Variants in NAV1 observed in about 807,000 individuals in gnomAD.
NAV1 encodes pore membrane and/or filament interacting like protein 3.
In NAV1, 18 loss-of-function variants were observed where a neutral mutation model predicts 175.2. The ratio of observed to expected loss-of-function variants is 0.10; its 90% CI spans 0.07 to 0.15. NAV1 has a LOEUF of 0.15. Ranked by LOEUF, NAV1 falls within the 10% of genes least tolerant of loss-of-function variation. The probability of loss-of-function intolerance (pLI) is 1.00; values close to 1 mark genes in which losing one functional copy is unlikely to be tolerated. For missense variants in NAV1, 1,731 were observed against 2,436.6 expected, an observed-to-expected ratio of 0.71 and a Z score of 6.10; for synonymous variants, 897 against 978.7, an observed-to-expected ratio of 0.92 and a Z score of 1.56.
At chr1:201,732,699 A>G (rs1224015191) in intron 3 of NAV1, among the ~76,000 whole-genome samples, 1 of 152,240 alleles carries the variant, frequency 6.6e-6, no homozygotes, top group Non-Finnish European at 1.5e-5. Flanking sequence ...TTCCACAAAC[A>G]CTTGTAGACC....
At position 201,539,468 on chromosome 1, in the gene NAV1, G is replaced by T. The variant is rs562893148; in HGVS notation, c.-144+126G>T. ...AAGTCTCGGGGTAGGGGAGGTTGGT[G>T]CCCGAGGGAGGCTGTGGGCTGGGCT... On this transcript the variant is annotated intron_variant, in intron 1 of 33. Transcript: ENST00000685211. The surrounding 1 kb of genome is among the most constrained non-coding windows in gnomAD (Gnocchi z 5.6). 3.0e-3 allele frequency among the ~76,000 whole-genome samples: 459 copies of T among 152,238 alleles called. 1 individual carries two copies. Among genetic ancestry groups the T allele is most frequent in the African/African-American group, 0.011 (439 of 41,558 alleles).
At chr1:201,824,640 A>G (rs1240295085) in exon 30 of NAV1, 1 of 151,984 alleles carries the variant, frequency 6.6e-6, no homozygotes, top group Non-Finnish European at 1.5e-5. Flanking sequence ...CAACCTGTGT[A>G]TACTAGATCC....
chr1:201,699,789 C>G (rs1451530918), intron 1 of NAV1, among the ~76,000 whole-genome samples: 1 of 152,186 alleles, frequency 6.6e-6, no homozygotes, highest in Admixed American at 6.5e-5. Flanking sequence ...TAACACCACA[C>G]ATCTACAACC....
At chr1:201,809,873 A>G (rs1678580721) in intron 22 of NAV1, 73 bp from the exon 27 acceptor site, 2 of 1,379,770 alleles carry the variant, frequency 1.4e-6, no homozygotes, top group South Asian at 2.5e-5. Context: ...TTCCTCTGAT[A>G]GACATTCTTT....
chr1:201,668,628 T>C (rs1319253794), intron 1 of NAV1, among the ~76,000 whole-genome samples: 2 of 152,126 alleles, frequency 1.3e-5, no homozygotes, highest in Non-Finnish European at 2.9e-5. Context: ...CGTGGGTCGA[T>C]GCAGCCCCCC....
intron 1 of NAV1, among the ~76,000 whole-genome samples, chr1:201,560,649 G>A (rs1269343435): frequency 6.6e-6 from 1 of 152,224 alleles, no homozygotes; most frequent in Admixed American, 6.5e-5. Context: ...ATGAAATCCT[G>A]TCTCCCAGTC....
chr1:201,780,968 T>C, intron 4 of NAV1, 44 bp from the exon 9 acceptor site: 1 of 1,534,964 alleles, frequency 6.5e-7, no homozygotes, highest in Non-Finnish European at 8.8e-7. Flanking sequence ...CAGTCTCCCA[T>C]CTGCATAGAA....
rs557538354 is a variant in NAV1, at chr1:201,624,905, G to A, written c.-101+1299G>A. On this transcript the variant is annotated intron_variant, in intron 1 of 29. Coordinates refer to the NAV1 transcript ENST00000367302. ...CTCTGAGGCATCAGAGCGGCTGGAG[G>A]TGGGGGTAGGGAACCACTAGGAGCT... Among the ~76,000 whole-genome samples the A allele has an allele frequency of 2.0e-5, 3 of 152,346 alleles. No individual in the cohort carries two copies. The East Asian group carries it at 5.8e-4, about 29-fold the overall frequency.
chr1:201,665,167 C>A (rs187910551), intron 1 of NAV1, among the ~76,000 whole-genome samples: 1 of 152,072 alleles, frequency 6.6e-6, no homozygotes, highest in Non-Finnish European at 1.5e-5. Flanking sequence ...GTGCTCCCCC[C>A]GCACCCTGCC....
At chr1:201,707,408 C>T (rs977498799) in intron 1 of NAV1, among the ~76,000 whole-genome samples, 1 of 152,220 alleles carries the variant, frequency 6.6e-6, no homozygotes, top group Admixed American at 6.5e-5. Flanking sequence ...GCTCTTTAAG[C>T]CTCACAGCAA....
At position 201,782,865 on chromosome 1, in the gene NAV1, C is replaced by G. The variant is rs1676423178; in HGVS notation, c.2353C>G (p.Leu785Val). 6 of 1,569,148 alleles carry G rather than the reference C, an allele frequency of 3.8e-6. No individual in the cohort carries two copies. The highest frequency in any genetic ancestry group is 5.2e-6 in the Non-Finnish European group (6 of 1,158,570). ...GCTGGCAGAGCTGCCACCAACCCCT[C>G]TCAGGTACCCAATGTGGGCAGCCGC... Residue 785 changes from leucine (L) to valine (V), a missense_variant, in exon 6 of 30, where the codon CTC becomes GTC. By Grantham distance (32) the Leu-to-Val change is conservative. Around this residue, in one of 13 missense-constraint regions of NAV1, gnomAD observed 634 missense variants for 766.8 expected, o/e 0.83. Transcript: ENST00000367296. This position sits in a 1 kb window ranked among gnomAD's most constrained non-coding sequence, Gnocchi z 5.4.
chr1:201,680,134 G>A (rs1267122), intron 1 of NAV1, among the ~76,000 whole-genome samples: 148,370 of 152,248 alleles, frequency 0.97, 72,335 homozygotes, highest in East Asian at 1. Context: ...AGGCCTCAGG[G>A]AGCTTTTACT....
intron 3 of NAV1, among the ~76,000 whole-genome samples, chr1:201,744,038 C>G (rs754764778): frequency 6.6e-6 from 1 of 151,884 alleles, no homozygotes; most frequent in Non-Finnish European, 1.5e-5. Flanking sequence ...GCATGCACCA[C>G]CATGCCCAGC....
intron 3 of NAV1, chr1:201,739,954 G>A: frequency 1.4e-6 from 2 of 1,384,084 alleles, no homozygotes; most frequent in South Asian, 1.7e-5. Flanking sequence ...GTGTCCCCGG[G>A]TGTCAGGCGA....
At chr1:201,648,130 T>A, upstream of NAV1, 3 of 434,710 alleles carry the variant, frequency 6.9e-6, no homozygotes, top group Non-Finnish European at 8.8e-6. Context: ...CCCCTCCTCC[T>A]GTTTGCTCCC....
At chr1:201,575,860 TC>T (rs973581161) in intron 1 of NAV1, among the ~76,000 whole-genome samples, 1 of 152,224 alleles carries the variant, frequency 6.6e-6, no homozygotes, top group African/African-American at 2.4e-5. Flanking sequence ...ATGGGGTATT[TC>T]TTCCCTGATT....
At chr1:201,710,006 A>T (rs1671830867) in intron 1 of NAV1, among the ~76,000 whole-genome samples, 1 of 152,124 alleles carries the variant, frequency 6.6e-6, no homozygotes, top group African/African-American at 2.4e-5. Context: ...GAATTGAGGA[A>T]GGGGCTAGGA....
intron 8 of NAV1, 130 bp downstream of exon 12, chr1:201,785,481 GTCCCATACAAGT>G: frequency 1.0e-6 from 1 of 955,784 alleles, no homozygotes; most frequent in Non-Finnish European, 1.6e-6. Flanking sequence ...TTTGTATGTG[GTCCCATACAAGT>G]ACCACCTAGT....
chr1:201,660,967 A>C (rs911771145), intron 1 of NAV1, among the ~76,000 whole-genome samples: 40 of 152,336 alleles, frequency 2.6e-4, no homozygotes, highest in Non-Finnish European at 4.4e-5. Context: ...TTTAGCAACC[A>C]ATATGGCCTT....
Sources: gnomAD v4.1 joint callset for allele counts (sites outside exome capture counted in the v4.1 genomes callset) on GRCh38, gnomAD v4.1.1 for gene constraint, gnomAD v4.1.1 regional missense constraint, Gnocchi (gnomAD v3.1) non-coding constraint, MANE v1.5 for transcripts, NCBI Gene and HGNC (gene_info 2026-07-23, HGNC 2026-07-21) for gene names.